The following FSTL5 variants were observed in gnomAD, a reference collection of about 807,000 sequenced individuals.
FSTL5 encodes the protein follistatin-related protein 5.
FSTL5 carries 62 observed loss-of-function variants against 89.1 expected under a neutral mutation model. The ratio of observed to expected loss-of-function variants is 0.70; its 90% confidence interval spans 0.57 to 0.86. FSTL5 has a LOEUF of 0.86. Among genes scored for constraint, FSTL5 ranks in the 40% least tolerant of loss-of-function variants. The pLI is 0.00. For missense variants in FSTL5, 1,057 were observed against 1,001.6 expected (o/e 1.06, Z -0.75); for synonymous variants, 383 against 346.2 (o/e 1.11, Z -1.18).
intron 8 of FSTL5, among the ~76,000 whole-genome samples, chr4:161,555,258 T>C (rs1732349761): frequency 1.3e-5 from 2 of 151,562 alleles, no homozygotes; most frequent in Non-Finnish European, 1.5e-5. Flanking sequence ...TGTAGTCTAC[T>C]AATATTTAAA....
intron 2 of FSTL5, among the ~76,000 whole-genome samples, chr4:162,071,376 A>T (rs954683795): frequency 6.6e-6 from 1 of 151,638 alleles, no homozygotes; most frequent in Non-Finnish European, 1.5e-5. Flanking sequence ...GACTTTAAGT[A>T]AAAAAACACA....
rs139641183 is a variant in FSTL5, at chr4:161,478,516, C to G, written c.1608+2504G>C. ...AAACTTACTGTTAGGTGCATCACAA[C>G]CTTCTTGTACTTGGGAACTCTAGAC... On this transcript the variant is annotated intron_variant, in intron 13 of 15. Transcript: ENST00000306100. Among the ~76,000 whole-genome samples the G allele has an allele frequency of 3.9e-3, 594 of 152,182 alleles. 9 individuals carry two copies. The South Asian group carries it at 0.045, about 12-fold the overall frequency.
intron 13 of FSTL5, among the ~76,000 whole-genome samples, chr4:161,462,721 C>A (rs1260894857): frequency 6.6e-6 from 1 of 152,050 alleles, no homozygotes; most frequent in Non-Finnish European, 1.5e-5. Flanking sequence ...ACTACTACTA[C>A]TACTACCATT....
At chr4:161,549,908 C>A (rs1482554086) in intron 8 of FSTL5, among the ~76,000 whole-genome samples, 1 of 151,894 alleles carries the variant, frequency 6.6e-6, no homozygotes, top group Non-Finnish European at 1.5e-5. Context: ...ATACAAATTT[C>A]ACTGACTATT....
At chr4:161,792,966 C>G (rs1594901) in intron 4 of FSTL5, among the ~76,000 whole-genome samples, 111,722 of 152,092 alleles carry the variant, frequency 0.73, 41,092 homozygotes, top group Non-Finnish European at 0.76. Context: ...GGAGCCCAGA[C>G]CTAGGGGCTC....
intron 1 of FSTL5, among the ~76,000 whole-genome samples, chr4:162,135,972 C>A (rs575745286): frequency 5.1e-4 from 78 of 152,050 alleles, no homozygotes; most frequent in African/African-American, 1.8e-3. Context: ...TCTCGCTTTT[C>A]ATGCACTCTT....
intron 3 of FSTL5, among the ~76,000 whole-genome samples, chr4:161,930,530 A>G (rs1734257057): frequency 6.6e-6 from 1 of 151,706 alleles, no homozygotes; most frequent in Non-Finnish European, 1.5e-5. Context: ...TGAGGATTAC[A>G]CCAATGTTAG....
chr4:161,623,525 T>G (rs1207051351), intron 7 of FSTL5, among the ~76,000 whole-genome samples: 1 of 152,014 alleles, frequency 6.6e-6, no homozygotes, highest in African/African-American at 2.4e-5. Context: ...TCCTGTTTGT[T>G]AAAATTTTAT....
chr4:162,001,892 T>C (rs898472322), intron 3 of FSTL5, among the ~76,000 whole-genome samples: 2 of 152,158 alleles, frequency 1.3e-5, no homozygotes, highest in Non-Finnish European at 2.9e-5. Flanking sequence ...AATCAGGGAT[T>C]TCATTTCAGG....
chr4:162,067,206 C>A (rs1275021723), intron 2 of FSTL5, among the ~76,000 whole-genome samples: 1 of 151,944 alleles, frequency 6.6e-6, no homozygotes, highest in Non-Finnish European at 1.5e-5. Context: ...AGGCCATGCC[C>A]CCACACCCAA....
intron 13 of FSTL5, among the ~76,000 whole-genome samples, chr4:161,463,090 A>C (rs1733636224): frequency 6.6e-6 from 1 of 152,144 alleles, no homozygotes; most frequent in African/African-American, 2.4e-5. Flanking sequence ...AATATTTTAC[A>C]GGAAGTGTCA....
At position 162,031,553 on chromosome 4, in the gene FSTL5, C is replaced by T. The variant is rs1040423419; in HGVS notation, c.160+2072G>A. On this transcript the variant is annotated intron_variant, in intron 3 of 15. Coordinates refer to ENST00000306100, the MANE Select transcript of FSTL5 (RefSeq NM_020116.5). Reference sequence around the variant, plus strand: ...GTAAAATAACATTTCAATATGATTCCCATAAATAGTCAAGAAAAATGTAGT... The same window carrying T: ...GTAAAATAACATTTCAATATGATTCTCATAAATAGTCAAGAAAAATGTAGT... Among the ~76,000 whole-genome samples, 7 of 152,132 alleles carry T rather than the reference C, an allele frequency of 4.6e-5. No individual in the cohort carries two copies. In the East Asian group the frequency reaches 7.7e-4, roughly 17 times the overall value.
At chr4:161,929,696 T>TGTG (rs1323279716) in intron 3 of FSTL5, among the ~76,000 whole-genome samples, 1 of 151,354 alleles carries the variant, frequency 6.6e-6, no homozygotes, top group East Asian at 2.0e-4. Context: ...TGTGTGTGTG[T>TGTG]GTGTGTACAT....
intron 1 of FSTL5, among the ~76,000 whole-genome samples, chr4:162,142,258 A>G (rs932001419): frequency 6.6e-6 from 1 of 152,152 alleles, no homozygotes; most frequent in African/African-American, 2.4e-5. Flanking sequence ...CTGAAAGGCA[A>G]GTAAAGGAAA....
chr4:161,538,012 A>G (rs1731687359), intron 10 of FSTL5, among the ~76,000 whole-genome samples, 154 bp downstream of exon 10: 1 of 152,152 alleles, frequency 6.6e-6, no homozygotes, highest in African/African-American at 2.4e-5. Context: ...TGCTTTTAGT[A>G]TTTCAAGATT....
intron 4 of FSTL5, among the ~76,000 whole-genome samples, chr4:161,802,250 T>A (rs1318287157): frequency 1.3e-5 from 2 of 151,712 alleles, no homozygotes; most frequent in African/African-American, 2.4e-5. Flanking sequence ...ATTAACTATC[T>A]CCTATAATAG....
At chr4:161,779,819 A>ATATATATATATG (rs1741588945) in intron 4 of FSTL5, among the ~76,000 whole-genome samples, 5 of 79,920 alleles carry the variant, frequency 6.3e-5, no homozygotes, top group Admixed American at 1.6e-4. Flanking sequence ...ATGTATATAT[A>ATATATATATATG]TATATATATA....
At chr4:161,534,114 G>A (rs7663063) in intron 10 of FSTL5, among the ~76,000 whole-genome samples, 43,196 of 151,896 alleles carry the variant, frequency 0.28, 7,150 homozygotes, top group Non-Finnish European at 0.37. Context: ...CAAACCCACA[G>A]CCAACATCAT....
chr4:161,632,387 A>G (rs1735533431), intron 7 of FSTL5, among the ~76,000 whole-genome samples: 1 of 152,096 alleles, frequency 6.6e-6, no homozygotes, highest in Non-Finnish European at 1.5e-5. Context: ...CCCCAAAATC[A>G]AAACAAAACA....
Sources: allele counts gnomAD v4.1 joint callset (sites outside exome capture counted in the v4.1 genomes callset), GRCh38; gene constraint gnomAD v4.1.1; transcripts MANE v1.5; gene names NCBI Gene and HGNC (gene_info 2026-07-23, HGNC 2026-07-21).